Variants in AK8 observed in about 807,000 individuals in gnomAD.
The protein encoded by AK8 is adenylate kinase 8.
AK8 carries 44 observed loss-of-function variants against 54.6 expected under a neutral mutation model. The observed-to-expected ratio is 0.81, with a 90% CI of 0.63 to 1.04. AK8 has a LOEUF of 1.04. Ranked by LOEUF, AK8 falls within the 50% of genes least tolerant of loss-of-function variation. AK8 has a pLI of 0.00. For synonymous variants in AK8, 239 were observed against 245.6 expected (o/e 0.97, Z 0.25); for missense variants, 555 against 613.6 (o/e 0.90, Z 1.01).
chr9:132,787,870 G>T (rs1463059968), intron 11 of AK8, among the ~76,000 whole-genome samples: 3 of 152,032 alleles, frequency 2.0e-5, no homozygotes, highest in African/African-American at 4.8e-5. Context: ...AATCAAGGGG[G>T]TATATAAAAG....
chr9:132,858,522 A>G (rs1056240894), intron 4 of AK8, among the ~76,000 whole-genome samples: 1 of 152,166 alleles, frequency 6.6e-6, no homozygotes, highest in Non-Finnish European at 1.5e-5. Flanking sequence ...CTACAGTGTG[A>G]TCTTGGGAAG....
At chr9:132,810,231 T>C (rs1228746005) in intron 10 of AK8, among the ~76,000 whole-genome samples, 1 of 152,212 alleles carries the variant, frequency 6.6e-6, no homozygotes, top group Admixed American at 6.5e-5. Flanking sequence ...AGCGAAAGTA[T>C]AGAGGTACAT....
At chr9:132,814,859 CTG>C (rs1841249863) in intron 9 of AK8, 132 bp from the exon 10 acceptor site, 2 of 664,270 alleles carry the variant, frequency 3.0e-6, no homozygotes, top group Non-Finnish European at 5.0e-6. Flanking sequence ...AAGGGTTTTT[CTG>C]TGTGTGGGTA....
At chr9:132,810,618 C>T (rs542390541) in intron 10 of AK8, among the ~76,000 whole-genome samples, 119 of 152,250 alleles carry the variant, frequency 7.8e-4, no homozygotes, top group African/African-American at 2.7e-3. Context: ...TCTGTAAACG[C>T]CCAACTCCCT....
intron 1 of AK8, 114 bp from the exon 2 acceptor site, chr9:132,875,313 A>T: frequency 6.7e-7 from 1 of 1,499,246 alleles, no homozygotes; most frequent in Non-Finnish European, 8.9e-7. Context: ...ACATGCCTTC[A>T]ACCTGGGACC....
At chr9:132,755,209 GTTTTCATA>G (rs751962195) in intron 11 of AK8, among the ~76,000 whole-genome samples, 1 of 152,190 alleles carries the variant, frequency 6.6e-6, no homozygotes, top group Non-Finnish European at 1.5e-5. Flanking sequence ...GATTTGGCAG[GTTTTCATA>G]TTTTCCATGT....
At chr9:132,855,017 G>C in intron 4 of AK8, 92 bp from the exon 5 acceptor site, 1 of 1,386,872 alleles carries the variant, frequency 7.2e-7, no homozygotes, top group Non-Finnish European at 1.0e-6. Flanking sequence ...CAACGCCCTG[G>C]CCTCTGGAAA....
intron 11 of AK8, among the ~76,000 whole-genome samples, chr9:132,784,454 G>C (rs891028715): frequency 1.3e-5 from 2 of 152,150 alleles, no homozygotes; most frequent in Non-Finnish European, 2.9e-5. Context: ...AGGAGGGGAA[G>C]GTTGCAGGGA....
At chr9:132,767,489 T>A (rs1251406758) in intron 11 of AK8, among the ~76,000 whole-genome samples, 6 of 152,136 alleles carry the variant, frequency 3.9e-5, no homozygotes, top group Admixed American at 3.9e-4. Flanking sequence ...GAAAGTGGAA[T>A]GCTAGTACTT....
intron 7 of AK8, chr9:132,827,751 C>A: frequency 2.1e-6 from 1 of 467,122 alleles, no homozygotes; most frequent in South Asian, 3.4e-5. Flanking sequence ...AGCCCAGGTG[C>A]CTGGCATGAC....
At chr9:132,877,906 C>T (rs745995640) in intron 1 of AK8, 2 of 784,380 alleles carry the variant, frequency 2.5e-6, no homozygotes, top group South Asian at 1.5e-5. Context: ...GGCCCGCTGG[C>T]GGCACAGCCA....
chr9:132,747,124 T>C (rs551659047), intron 11 of AK8, among the ~76,000 whole-genome samples: 6 of 152,332 alleles, frequency 3.9e-5, no homozygotes, highest in East Asian at 1.9e-4. Flanking sequence ...TGTAAAGATA[T>C]ATGGACAAGA....
At chr9:132,817,893 C>T (rs1841400984) in intron 9 of AK8, among the ~76,000 whole-genome samples, 1 of 152,152 alleles carries the variant, frequency 6.6e-6, no homozygotes, top group Non-Finnish European at 1.5e-5. Flanking sequence ...AGAACAAACA[C>T]AAAGTAAGTC....
intron 7 of AK8, 89 bp downstream of exon 7, chr9:132,827,924 G>A (rs923723288): frequency 1.2e-5 from 16 of 1,356,560 alleles, no homozygotes; most frequent in Non-Finnish European, 1.6e-5. Context: ...GCCCAGAGCA[G>A]AATGCGAGGT....
rs1031852392 is a variant in AK8, at chr9:132,753,109, G to A, written c.1122-25575C>T. ...AGCTGCCACAACTGGGCTCCGAGCT[G>A]ATCATTCTACACTGGGGAATCACGC... On this transcript the variant is annotated intron_variant, in intron 11 of 12. Coordinates refer to ENST00000298545, the MANE Select transcript of AK8 (RefSeq NM_152572.3). 3.9e-5 allele frequency among the ~76,000 whole-genome samples: 6 copies of A among 152,216 alleles called. No homozygotes were observed. The East Asian group carries it at 1.2e-3, about 29-fold the overall frequency.
chr9:132,747,896 C>T (rs1237126368), intron 11 of AK8, among the ~76,000 whole-genome samples: 1 of 150,634 alleles, frequency 6.6e-6, no homozygotes, highest in Non-Finnish European at 1.5e-5. Flanking sequence ...CAGGGGAGTT[C>T]GAGACCAGCC....
chr9:132,877,482 C>G (rs146379039), intron 1 of AK8, among the ~76,000 whole-genome samples: 2 of 152,314 alleles, frequency 1.3e-5, no homozygotes, highest in African/African-American at 4.8e-5. Flanking sequence ...CTTTGAGTGG[C>G]TGAGAGTTCT....
At chr9:132,878,305 C>A, upstream of AK8, 1 of 1,322,468 alleles carries the variant, frequency 7.6e-7, no homozygotes. The surrounding 1 kb of genome is among the most constrained non-coding windows in gnomAD (Gnocchi z 4.7). Flanking sequence ...CTAGGGCCGC[C>A]GCGCCGACTG....
intron 11 of AK8, among the ~76,000 whole-genome samples, chr9:132,779,715 C>T (rs1839379394): frequency 6.6e-6 from 1 of 152,218 alleles, no homozygotes; most frequent in African/African-American, 2.4e-5. Context: ...AGATTATTGT[C>T]CCATTTAACA....
Sources: allele counts gnomAD v4.1 joint callset (sites outside exome capture counted in the v4.1 genomes callset), GRCh38; gene constraint gnomAD v4.1.1; non-coding constraint Gnocchi (gnomAD v3.1); transcripts MANE v1.5; gene names NCBI Gene and HGNC (gene_info 2026-07-23, HGNC 2026-07-21).